Variants in PHC1 observed in about 807,000 individuals in gnomAD.
PHC1 encodes polyhomeotic-like protein 1.
In PHC1, 12 loss-of-function variants were observed where a neutral mutation model predicts 104.3. The ratio of observed to expected loss-of-function variants is 0.12; its 90% CI spans 0.07 to 0.19. PHC1 has a LOEUF of 0.19. Among genes scored for constraint, PHC1 ranks in the 10% least tolerant of loss-of-function variants. The pLI is 1.00. For synonymous variants in PHC1, 302 were observed against 455.8 expected (o/e 0.66, Z 4.30); for missense variants, 671 against 1,200.0 (o/e 0.56, Z 6.51).
In PHC1 at chr12:8,919,994, CCTT is replaced by C. The variant is rs1277145799; in HGVS notation, c.225+131_225+133del. 4.3e-6 allele frequency: 6 copies of C among 1,402,574 alleles called. No homozygotes were observed. Among genetic ancestry groups the C allele is most frequent in the Admixed American group, 2.1e-5 (1 of 47,394 alleles). 86.9% of individuals were successfully genotyped at this position (1,402,574 alleles called of 1,614,324 possible). On this transcript the variant is annotated intron_variant, in intron 3 of 14. Coordinates refer to ENST00000544916, the MANE Select transcript of PHC1 (RefSeq NM_004426.3). This position sits in a 1 kb window ranked among gnomAD's most constrained non-coding sequence, Gnocchi z 4.9. ...GCAGACAGCCTCCTCCGCCTCCTGTCCTTCTGTGGGAGGATGGATGCATCTTAG... is the reference window on the plus strand; with the variant it reads ...GCAGACAGCCTCCTCCGCCTCCTGTCCTGTGGGAGGATGGATGCATCTTAG...
chr12:8,921,924 C>T (rs183861306), intron 5 of PHC1, among the ~76,000 whole-genome samples, 174 bp downstream of exon 5: 38 of 152,348 alleles, frequency 2.5e-4, no homozygotes, highest in African/African-American at 8.7e-4. Context: ...AGCGATTCTC[C>T]TGCCTCAGCC....
intron 6 of PHC1, 21 bp downstream of exon 6, chr12:8,922,809 C>A: frequency 6.2e-7 from 1 of 1,609,460 alleles, no homozygotes; most frequent in South Asian, 1.1e-5. Flanking sequence ...ATGACTTTAC[C>A]TGTGGGTGGG....
intron 3 of PHC1, among the ~76,000 whole-genome samples, chr12:8,920,569 G>A (rs984474056): frequency 6.6e-6 from 1 of 152,162 alleles, no homozygotes; most frequent in Non-Finnish European, 1.5e-5. Context: ...TTAGCTGGGC[G>A]TGGTGGTGTG....
At position 8,919,703 on chromosome 12, in the gene PHC1, G is replaced by C; in HGVS notation, c.115-53G>C. ...TCACACAAATACAGTGATTTACATA[G>C]AATAGGAGCTAGGAGTGGTCCATTC... On this transcript the variant is annotated intron_variant, in intron 2 of 14. Coordinates refer to ENST00000544916, the MANE Select transcript of PHC1 (RefSeq NM_004426.3). This position sits in a 1 kb window ranked among gnomAD's most constrained non-coding sequence, Gnocchi z 4.9. The C allele has an allele frequency of 6.5e-7, 1 of 1,533,974 alleles. No individual in the cohort carries two copies. The highest frequency in any genetic ancestry group is 8.9e-7 in the Non-Finnish European group (1 of 1,121,192).
chr12:8,926,468 A>C (rs1034650102), intron 6 of PHC1, among the ~76,000 whole-genome samples: 3 of 151,916 alleles, frequency 2.0e-5, no homozygotes, highest in African/African-American at 7.3e-5. Flanking sequence ...CATACAAAAA[A>C]AATTAGCCGG....
chr12:8,924,420 G>C (rs1412682750), intron 6 of PHC1, among the ~76,000 whole-genome samples: 1 of 152,112 alleles, frequency 6.6e-6, no homozygotes, highest in East Asian at 1.9e-4. Flanking sequence ...AGGTTGCAGT[G>C]AGCTGAGATC....
At position 8,919,674 on chromosome 12, in the gene PHC1, C is replaced by T. The variant is rs1945302202; in HGVS notation, c.115-82C>T. Reference sequence around the variant, plus strand: ...CTGGTTTCTGTCCTTCCCATGGCCCCCTTTCACACAAATACAGTGATTTAC... The same window carrying T: ...CTGGTTTCTGTCCTTCCCATGGCCCTCTTTCACACAAATACAGTGATTTAC... On this transcript the variant is annotated intron_variant, in intron 2 of 14. Transcript: ENST00000544916. The surrounding 1 kb of genome is among the most constrained non-coding windows in gnomAD (Gnocchi z 4.9). 1.5e-6 allele frequency: 2 copies of T among 1,356,148 alleles called. No homozygotes were observed. Among genetic ancestry groups the T allele is most frequent in the African/African-American group, 1.4e-5 (1 of 69,818 alleles). 84.0% of individuals were successfully genotyped at this position (1,356,148 alleles called of 1,614,324 possible).
intron 6 of PHC1, among the ~76,000 whole-genome samples, chr12:8,926,464 A>G (rs1451727994): frequency 6.6e-6 from 1 of 151,596 alleles, no homozygotes; most frequent in African/African-American, 2.4e-5. Context: ...TAAACATACA[A>G]AAAAAATTAG....
At chr12:8,921,321 C>G (rs1945355911) in intron 4 of PHC1, among the ~76,000 whole-genome samples, 1 of 152,166 alleles carries the variant, frequency 6.6e-6, no homozygotes, top group Non-Finnish European at 1.5e-5. Context: ...GGACTAATCC[C>G]TGGACTCTTC....
At chr12:8,921,835 A>G in intron 5 of PHC1, 85 bp downstream of exon 5, 3 of 1,329,916 alleles carry the variant, frequency 2.3e-6, no homozygotes, top group Non-Finnish European at 3.1e-6. Context: ...TTTTTTTGAG[A>G]CAGAATCTCG....
At chr12:8,936,365 G>C (rs966205936) in intron 11 of PHC1, among the ~76,000 whole-genome samples, 2 of 152,204 alleles carry the variant, frequency 1.3e-5, no homozygotes, top group Non-Finnish European at 1.5e-5. Context: ...CCGGGTGACA[G>C]AGTGAGACTG....
rs201332046 is a variant in PHC1 at position 8,917,692 on chromosome 12, C to T, written c.15C>T (p.Ser5=). The T allele has an allele frequency of 3.8e-4, 585 of 1,554,928 alleles. No individual in the cohort carries two copies. Among genetic ancestry groups the T allele is most frequent in the Non-Finnish European group, 4.8e-4 (549 of 1,152,890 alleles). ...GGACCACTATCATGGAGACTGAGAG[C>T]GAGCAGAACTCCAATTCCACCAATG... METE[S]EQNSNSTNGS... The change falls in exon 2 of 15, where the codon AGC becomes AGT. Residue 5 remains serine, a synonymous_variant. Transcript: ENST00000544916.
chr12:8,923,954 A>C (rs977765743), intron 6 of PHC1, among the ~76,000 whole-genome samples: 1 of 152,204 alleles, frequency 6.6e-6, no homozygotes, highest in African/African-American at 2.4e-5. Flanking sequence ...ATTGTATTAG[A>C]TATTATAAGT....
At position 8,937,776 on chromosome 12, in the gene PHC1, A is replaced by G. The variant is rs1267018929; in HGVS notation, c.2629-53A>G. 5.7e-6 allele frequency: 8 copies of G among 1,411,632 alleles called. No homozygotes were observed. The Middle Eastern group carries it at 5.3e-4, about 93-fold the overall frequency. 87.4% of individuals were successfully genotyped at this position (1,411,632 alleles called of 1,614,324 possible). A position where few individuals can be genotyped will look rare whatever the true frequency, so the allele number is the denominator to read the frequency against. ...CCCAGGGTGGTTTGGGAAGAAAGAG[A>G]GAGGAATAAACCTTTGACACTGACC... On this transcript the variant is annotated intron_variant, in intron 13 of 14. Transcript: ENST00000544916.
chr12:8,920,352 T>A (rs1049796307), intron 3 of PHC1, among the ~76,000 whole-genome samples: 5 of 152,246 alleles, frequency 3.3e-5, no homozygotes, highest in Non-Finnish European at 7.3e-5. Context: ...TGGTTCATAT[T>A]ATATTTATAT....
intron 2 of PHC1, among the ~76,000 whole-genome samples, chr12:8,918,700 G>T (rs1945271917): frequency 6.6e-6 from 1 of 152,038 alleles, no homozygotes; most frequent in Non-Finnish European, 1.5e-5. Flanking sequence ...CTTTGCTATG[G>T]CATGTATTTC....
chr12:8,917,384 G>A (rs1297194682), intron 1 of PHC1, among the ~76,000 whole-genome samples: 1 of 152,182 alleles, frequency 6.6e-6, no homozygotes, highest in African/African-American at 2.4e-5. Flanking sequence ...TTTAATGACA[G>A]CCATGAGGGA....
intron 6 of PHC1, 125 bp from the exon 7 acceptor site, chr12:8,930,310 A>G: frequency 7.1e-7 from 1 of 1,400,530 alleles, no homozygotes; most frequent in Non-Finnish European, 9.6e-7. Flanking sequence ...TATATGGTAA[A>G]GGCAGAGATA....
At chr12:8,914,134 T>C (rs1945125049), upstream of PHC1, among the ~76,000 whole-genome samples, 1 of 151,982 alleles carries the variant, frequency 6.6e-6, no homozygotes, top group South Asian at 2.1e-4. Context: ...TACCCCTTAT[T>C]CCCAGCAGCT....
Sources: gnomAD v4.1 joint callset for allele counts (sites outside exome capture counted in the v4.1 genomes callset) on GRCh38, gnomAD v4.1.1 for gene constraint, Gnocchi (gnomAD v3.1) non-coding constraint, MANE v1.5 for transcripts, NCBI Gene and HGNC (gene_info 2026-07-23, HGNC 2026-07-21) for gene names.